Variants in FYB1 observed in about 807,000 individuals in gnomAD.
FYB1 encodes FYN binding protein 1, also known as FYN-binding protein 1.
A neutral mutation model predicts 94.1 loss-of-function variants in FYB1; 41 were observed. The ratio of observed to expected loss-of-function variants is 0.44; its 90% CI spans 0.34 to 0.57. The LOEUF is 0.57. Among genes scored for constraint, FYB1 ranks in the 20% least tolerant of loss-of-function variants. The pLI is 0.02. For synonymous variants in FYB1, 367 were observed against 353.2 expected, an observed-to-expected ratio of 1.04 and a Z score of -0.44; for missense variants, 1,050 against 976.8, an observed-to-expected ratio of 1.07 and a Z score of -1.00.
intron 1 of FYB1, among the ~76,000 whole-genome samples, chr5:39,268,125 T>C (rs1752510300): frequency 6.6e-6 from 1 of 152,204 alleles, no homozygotes; most frequent in Admixed American, 6.5e-5. Flanking sequence ...AAAATATGCA[T>C]TTAAAATGAT....
At chr5:39,200,621 A>G (rs1272663561) in intron 2 of FYB1, among the ~76,000 whole-genome samples, 4 of 152,234 alleles carry the variant, frequency 2.6e-5, no homozygotes, top group Non-Finnish European at 5.9e-5. Context: ...TTTCTGGAAG[A>G]CAGATGGTCA....
intron 1 of FYB1, among the ~76,000 whole-genome samples, chr5:39,261,750 A>AAAAAAG (rs1554045881): frequency 6.6e-6 from 1 of 151,736 alleles, no homozygotes; most frequent in Admixed American, 6.6e-5. Context: ...CTGTCTCAAA[A>AAAAAAG]AAAAGAAAAG....
intron 2 of FYB1, among the ~76,000 whole-genome samples, chr5:39,180,242 G>A (rs982439542): frequency 2.0e-5 from 3 of 152,206 alleles, no homozygotes; most frequent in East Asian, 1.9e-4. Flanking sequence ...GTGTATTAAC[G>A]GGAAAGTAAT....
intron 10 of FYB1, among the ~76,000 whole-genome samples, chr5:39,128,793 TA>T (rs1740912313): frequency 6.6e-6 from 1 of 152,098 alleles, no homozygotes; most frequent in Non-Finnish European, 1.5e-5. Context: ...TTTTTTTCAT[TA>T]ATATACACAA....
At chr5:39,135,395 GT>G (rs1331937810) in intron 7 of FYB1, among the ~76,000 whole-genome samples, 1 of 152,188 alleles carries the variant, frequency 6.6e-6, no homozygotes, top group East Asian at 1.9e-4. Flanking sequence ...AGAAGATGGA[GT>G]TTTTTCCCCT....
chr5:39,204,623 G>A (rs538436734), intron 1 of FYB1, among the ~76,000 whole-genome samples: 1 of 152,198 alleles, frequency 6.6e-6, no homozygotes, highest in Admixed American at 6.5e-5. Context: ...ATTTCTTTTT[G>A]TATCCCTGCA....
chr5:39,119,203 T>C (rs959286209), intron 15 of FYB1, among the ~76,000 whole-genome samples, 167 bp from the exon 16 acceptor site: 15 of 152,268 alleles, frequency 9.9e-5, no homozygotes, highest in African/African-American at 3.6e-4. Flanking sequence ...ACATCATTCA[T>C]AACCTCACCA....
intron 2 of FYB1, among the ~76,000 whole-genome samples, chr5:39,190,228 C>A (rs564385146): frequency 6.6e-6 from 1 of 151,556 alleles, no homozygotes; most frequent in African/African-American, 2.4e-5. Flanking sequence ...TTTCACTGAC[C>A]GAAAAGAAGG....
chr5:39,232,174 A>G (rs1411978996), intron 1 of FYB1, among the ~76,000 whole-genome samples: 1 of 152,148 alleles, frequency 6.6e-6, no homozygotes. Context: ...CACACTACAC[A>G]TGCACACACA....
intron 2 of FYB1, among the ~76,000 whole-genome samples, chr5:39,193,986 A>G (rs1283109816): frequency 6.6e-6 from 1 of 152,198 alleles, no homozygotes; most frequent in Non-Finnish European, 1.5e-5. Flanking sequence ...CAAAAGAACT[A>G]GTGTGACCCC....
intron 2 of FYB1, among the ~76,000 whole-genome samples, chr5:39,198,763 C>A (rs913991150): frequency 2.0e-5 from 3 of 152,042 alleles, no homozygotes; most frequent in Non-Finnish European, 2.9e-5. Context: ...GTATATTAAA[C>A]GTGTTTTCAG....
At chr5:39,111,233 T>C (rs1486250579) in intron 16 of FYB1, among the ~76,000 whole-genome samples, 4 of 151,984 alleles carry the variant, frequency 2.6e-5, no homozygotes, top group Non-Finnish European at 5.9e-5. Flanking sequence ...ATTGTTAGTT[T>C]TGTGTTAGTG....
At chr5:39,120,125 TA>T (rs1237698734) in intron 14 of FYB1, among the ~76,000 whole-genome samples, 1 of 151,832 alleles carries the variant, frequency 6.6e-6, no homozygotes, top group African/African-American at 2.4e-5. Flanking sequence ...TTTTGGTTAA[TA>T]AAAAAACTTA....
intron 1 of FYB1, among the ~76,000 whole-genome samples, chr5:39,204,266 C>T (rs1315952336): frequency 6.6e-6 from 1 of 152,144 alleles, no homozygotes; most frequent in Non-Finnish European, 1.5e-5. Flanking sequence ...AATACATGTG[C>T]TTTGTTCTAT....
intron 9 of FYB1, among the ~76,000 whole-genome samples, chr5:39,132,413 T>A (rs1026551408): frequency 6.6e-6 from 1 of 152,222 alleles, no homozygotes; most frequent in African/African-American, 2.4e-5. Flanking sequence ...TTCTTTAATT[T>A]TCTTAGTAAG....
chr5:39,138,564 C>A, intron 6 of FYB1, 93 bp downstream of exon 6: 1 of 645,576 alleles, frequency 1.5e-6, no homozygotes, highest in East Asian at 3.0e-5. Flanking sequence ...ATCAAGCTTC[C>A]CTCCTAGTGT....
At chr5:39,231,181 C>CAAAAA (rs1750730517) in intron 1 of FYB1, among the ~76,000 whole-genome samples, 1 of 101,818 alleles carries the variant, frequency 9.8e-6, no homozygotes, top group African/African-American at 8.1e-5. Context: ...ACAAAAAAAA[C>CAAAAA]AAAACAGCTG....
intron 1 of FYB1, among the ~76,000 whole-genome samples, chr5:39,239,352 G>A (rs2150584125): frequency 6.6e-6 from 1 of 152,226 alleles, no homozygotes; most frequent in Admixed American, 6.5e-5. Flanking sequence ...CATCCAAATA[G>A]GGAGAGAGGA....
intron 1 of FYB1, among the ~76,000 whole-genome samples, chr5:39,217,982 C>T (rs968118395): frequency 6.6e-6 from 1 of 152,184 alleles, no homozygotes; most frequent in Admixed American, 6.5e-5. Flanking sequence ...TGTGATTGCT[C>T]TATGAAGCAG....
Sources: gnomAD v4.1 joint callset for allele counts (sites outside exome capture counted in the v4.1 genomes callset) on GRCh38, gnomAD v4.1.1 for gene constraint, MANE v1.5 for transcripts, NCBI Gene and HGNC (gene_info 2026-07-23, HGNC 2026-07-21) for gene names.